VAPA: variants seen among roughly 807,000 people sequenced by gnomAD.
VAPA encodes vesicle-associated membrane protein-associated protein A.
VAPA carries 6 observed loss-of-function variants against 25.6 expected under a neutral mutation model. That is an observed-to-expected ratio of 0.23 (90% CI 0.13 to 0.46). VAPA has a LOEUF of 0.46. Among genes scored for constraint, VAPA ranks in the 20% least tolerant of loss-of-function variants. The pLI, the probability that VAPA is intolerant of heterozygous loss-of-function variation, is 0.99. For synonymous variants in VAPA, 112 were observed against 106.2 expected, an observed-to-expected ratio of 1.05 and a Z score of -0.34; for missense variants, 244 against 302.1, an observed-to-expected ratio of 0.81 and a Z score of 1.43.
intron 4 of VAPA, chr18:9,944,820 A>T (rs939195957): frequency 9.6e-6 from 13 of 1,353,776 alleles, no homozygotes; most frequent in Non-Finnish European, 1.3e-5. Flanking sequence ...ATAAAGTGTT[A>T]ATGTTTAGAG....
intron 1 of VAPA, among the ~76,000 whole-genome samples, chr18:9,926,264 G>C (rs533756886): frequency 6.6e-6 from 1 of 152,262 alleles, no homozygotes; most frequent in South Asian, 2.1e-4. Context: ...TAACCCTTGT[G>C]TAACTGGGAA....
intron 4 of VAPA, among the ~76,000 whole-genome samples, chr18:9,942,733 G>A (rs1165806710): frequency 2.0e-5 from 3 of 152,120 alleles, no homozygotes; most frequent in Admixed American, 6.5e-5. Context: ...GCAAGAGAGA[G>A]CGAAGGGGCA....
chr18:9,955,262 G>A lies in VAPA; in HGVS notation c.*1051G>A, dbSNP rs570002247. The A allele has an allele frequency of 2.0e-5, 3 of 151,832 alleles. No individual in the cohort carries two copies. Among genetic ancestry groups the A allele is most frequent in the African/African-American group, 4.8e-5 (2 of 41,428 alleles). The allele number at this position is 151,832 out of a possible 1,614,324, so 9.4% of individuals were successfully genotyped here. A position where few individuals can be genotyped will look rare whatever the true frequency, so the allele number is the denominator to read the frequency against. On this transcript the variant is annotated 3_prime_UTR_variant, in exon 6 of 6. Transcript: ENST00000400000. Reference sequence around the variant, plus strand: ...ATAGTTAAAAGTAGGTGTTTTTTTCGTGCTCAATTTGGCACTCAAAATAAT... The same window carrying A: ...ATAGTTAAAAGTAGGTGTTTTTTTCATGCTCAATTTGGCACTCAAAATAAT...
intron 1 of VAPA, among the ~76,000 whole-genome samples, chr18:9,928,334 C>A (rs1316072898): frequency 6.6e-6 from 1 of 152,090 alleles, no homozygotes; most frequent in Non-Finnish European, 1.5e-5. Context: ...AAGATATATA[C>A]AGTTCAAGGA....
intron 1 of VAPA, among the ~76,000 whole-genome samples, chr18:9,928,751 A>G (rs2069224349): frequency 6.6e-6 from 1 of 152,188 alleles, no homozygotes; most frequent in South Asian, 2.1e-4. Context: ...GCTCATTTTA[A>G]GTGTAAATGT....
chr18:9,941,423 A>C (rs1402289921), intron 4 of VAPA, among the ~76,000 whole-genome samples: 1 of 152,202 alleles, frequency 6.6e-6, no homozygotes, highest in Non-Finnish European at 1.5e-5. Flanking sequence ...GTCTTATGAT[A>C]GTACAAAATA....
intron 1 of VAPA, among the ~76,000 whole-genome samples, chr18:9,924,191 A>G (rs557763766): frequency 6.6e-6 from 1 of 152,316 alleles, no homozygotes; most frequent in African/African-American, 2.4e-5. Context: ...AATAATAAAA[A>G]AAAAAGTTTG....
chr18:9,936,188 C>G lies in VAPA; in HGVS notation c.311C>G (p.Pro104Arg), dbSNP rs1127666. Reference sequence around the variant, plus strand: ...ATGGTACAGACAATTTTTGCTCCACCAAACACTTCAGATATGGAAGCTGTG... The same window carrying G: ...ATGGTACAGACAATTTTTGCTCCACGAAACACTTCAGATATGGAAGCTGTG... ...KFMVQTIFAP[P>R]NTSDMEAVWK... Residue 104 changes from proline (P) to arginine (R), a missense_variant, in exon 3 of 6, where the codon CCA (proline) becomes CGA (arginine). Around this residue, in one of 2 missense-constraint regions of VAPA, gnomAD observed 99 missense variants for 161.6 expected, o/e 0.61. Coordinates refer to ENST00000400000, the MANE Select transcript of VAPA (RefSeq NM_194434.3). The G allele has an allele frequency of 6.2e-7, 1 of 1,603,214 alleles. No homozygotes were observed. Among genetic ancestry groups the G allele is most frequent in the Non-Finnish European group, 8.5e-7 (1 of 1,174,580 alleles).
At chr18:9,944,595 A>G (rs1338200645) in intron 4 of VAPA, among the ~76,000 whole-genome samples, 1 of 152,230 alleles carries the variant, frequency 6.6e-6, no homozygotes, top group Non-Finnish European at 1.5e-5. Flanking sequence ...ATTAATTAGT[A>G]AACATTAAAA....
At chr18:9,914,357 C>G in intron 1 of VAPA, 22 bp downstream of exon 1, 1 of 1,559,352 alleles carries the variant, frequency 6.4e-7, no homozygotes, top group Non-Finnish European at 8.7e-7. Flanking sequence ...GGGGACACCC[C>G]CGGGTGGGGT....
At chr18:9,918,261 T>G (rs1432828009) in intron 1 of VAPA, among the ~76,000 whole-genome samples, 1 of 152,236 alleles carries the variant, frequency 6.6e-6, no homozygotes, top group Non-Finnish European at 1.5e-5. Context: ...GAGTCTTTGA[T>G]TTTAAAAACA....
intron 4 of VAPA, among the ~76,000 whole-genome samples, chr18:9,945,372 T>G (rs1017026159): frequency 4.7e-4 from 65 of 137,546 alleles, no homozygotes; most frequent in African/African-American, 1.7e-3. Context: ...TTTTTTTTTT[T>G]TTTTTTGAGA....
At chr18:9,915,519 T>A (rs2069105301) in intron 1 of VAPA, among the ~76,000 whole-genome samples, 1 of 152,062 alleles carries the variant, frequency 6.6e-6, no homozygotes. Flanking sequence ...TATCTTTAGT[T>A]AAGTGTAAAG....
At position 9,959,847 on chromosome 18, in the gene VAPA, T is replaced by G. The variant is rs1317365129; in HGVS notation, c.*5636T>G. 6.6e-6 allele frequency: 1 copy of G among 152,042 alleles called. No homozygotes were observed. Among genetic ancestry groups the G allele is most frequent in the Non-Finnish European group, 1.5e-5 (1 of 67,996 alleles). 9.4% of individuals were successfully genotyped at this position (152,042 alleles called of 1,614,324 possible). A position where few individuals can be genotyped will look rare whatever the true frequency, so the allele number is the denominator to read the frequency against. The stretch of plus-strand genomic sequence containing the variant: ...AATAGAGGTTTGTTAGGAATTACAG[T>G]TGTGGGGAGCAAACTTTCTTTTTTG... On this transcript the variant is annotated 3_prime_UTR_variant, in exon 6 of 6. Transcript: ENST00000400000.
At chr18:9,918,121 C>G (rs962381473) in intron 1 of VAPA, among the ~76,000 whole-genome samples, 1 of 152,070 alleles carries the variant, frequency 6.6e-6, no homozygotes, top group South Asian at 2.1e-4. Context: ...CTGCTCATAC[C>G]CAAGGTTCTT....
In VAPA at chr18:9,958,406, C is replaced by G. The variant is rs2069572454; in HGVS notation, c.*4195C>G. 2 of 152,118 alleles carry G rather than the reference C, an allele frequency of 1.3e-5. No homozygotes were observed. The highest frequency in any genetic ancestry group is 2.9e-5 in the Non-Finnish European group (2 of 68,032). 9.4% of individuals were successfully genotyped at this position (152,118 alleles called of 1,614,324 possible). ...TCAGTTTCTTGTTTTCCAGTTGTTG[C>G]TATGTATAACACCCATCTTGAAAGA... On this transcript the variant is annotated 3_prime_UTR_variant, in exon 6 of 6. Transcript: ENST00000400000.
chr18:9,936,347 A>AT (rs150224898), intron 3 of VAPA, 134 bp downstream of exon 3: 30,603 of 497,826 alleles, frequency 0.061, 1,153 homozygotes, highest in South Asian at 0.14. Context: ...CAATTTCTTC[A>AT]TTATAGATAA....
intron 3 of VAPA, 110 bp downstream of exon 3, chr18:9,936,323 T>A: frequency 1.5e-6 from 1 of 661,130 alleles, no homozygotes; most frequent in Non-Finnish European, 2.4e-6. Context: ...AAATTTAGGT[T>A]TTTAAAAAAC....
chr18:9,914,296 A>C lies in VAPA; in HGVS notation c.40A>C (p.Ile14Leu), dbSNP rs1182273619. Residue 14 changes from isoleucine (I) to leucine (L), a missense_variant, in exon 1 of 6, where the codon ATC becomes CTC. Around this residue, in one of 2 missense-constraint regions of VAPA, gnomAD observed 99 missense variants for 161.6 expected, o/e 0.61. Coordinates refer to ENST00000400000, the MANE Select transcript of VAPA (RefSeq NM_194434.3). ...ASGAMAKHEQ[I>L]LVLDPPTDLK... ...AGGGGCCATGGCGAAGCACGAGCAG[A>C]TCCTGGTCCTCGATCCGCCCACAGA... is the stretch of plus-strand genomic sequence containing the variant. 3.8e-6 allele frequency: 6 copies of C among 1,590,722 alleles called. No homozygotes were observed. Among genetic ancestry groups the C allele is most frequent in the Non-Finnish European group, 5.1e-6 (6 of 1,169,904 alleles).
Sources: gnomAD v4.1 joint callset for allele counts (sites outside exome capture counted in the v4.1 genomes callset) on GRCh38, gnomAD v4.1.1 for gene constraint, gnomAD v4.1.1 regional missense constraint, MANE v1.5 for transcripts, NCBI Gene and HGNC (gene_info 2026-07-23, HGNC 2026-07-21) for gene names.